Variants in MYL4 observed in about 807,000 individuals in gnomAD.
The protein encoded by MYL4 is atrial myosin light chain 1.
MYL4 carries 16 observed loss-of-function variants against 21.6 expected under a neutral mutation model. That is an observed-to-expected ratio of 0.74 (90% CI 0.50 to 1.12). The LOEUF (loss-of-function observed/expected upper bound fraction) is 1.12, where lower values mean the gene tolerates loss of function less well. Ranked by LOEUF, MYL4 falls within the 50% of genes most tolerant of loss-of-function variation. MYL4 has a pLI of 0.00. For missense variants in MYL4, 249 were observed against 252.9 expected (o/e 0.98, Z 0.11); for synonymous variants, 82 against 95.7 (o/e 0.86, Z 0.83).
At chr17:47,217,650 T>G (rs2064824706) in intron 2 of MYL4, among the ~76,000 whole-genome samples, 1 of 152,172 alleles carries the variant, frequency 6.6e-6, no homozygotes, top group African/African-American at 2.4e-5. Flanking sequence ...TATGTGCTGG[T>G]CATTGTGTTA....
At chr17:47,218,128 T>C (rs777559528) in intron 2 of MYL4, among the ~76,000 whole-genome samples, 20 of 152,114 alleles carry the variant, frequency 1.3e-4, no homozygotes, top group Non-Finnish European at 2.5e-4. Flanking sequence ...AGGTTAAATA[T>C]TTATTTGTCC....
upstream of MYL4, among the ~76,000 whole-genome samples, chr17:47,196,541 T>C (rs2064689688): frequency 6.6e-6 from 1 of 152,232 alleles, no homozygotes; most frequent in Non-Finnish European, 1.5e-5. Flanking sequence ...AGAAATATAT[T>C]GACTGAGTGA....
At chr17:47,194,988 G>C in the MYL4 span, among the ~76,000 whole-genome samples, 55 of 150,962 alleles carry the variant, frequency 3.6e-4, no homozygotes, top group African/African-American at 1.3e-3. Context: ...TGGTCCACCC[G>C]TCTCAGCCTC....
downstream of MYL4, among the ~76,000 whole-genome samples, chr17:47,223,900 C>T (rs971177832): frequency 6.6e-6 from 1 of 152,102 alleles, no homozygotes; most frequent in African/African-American, 2.4e-5. Context: ...AGGCCAGCAG[C>T]TTGAGGAGTT....
chr17:47,223,266 C>T, intron 6 of MYL4: 2 of 570,162 alleles, frequency 3.5e-6, no homozygotes. Context: ...CTATCAGTCA[C>T]ATCCTCTTGC....
upstream of MYL4, among the ~76,000 whole-genome samples, chr17:47,197,652 CA>C (rs2064694476): frequency 6.8e-6 from 1 of 147,050 alleles, no homozygotes; most frequent in Non-Finnish European, 1.5e-5. Context: ...TTCTGTGTCT[CA>C]CTTTCAGTAC....
downstream of MYL4, among the ~76,000 whole-genome samples, chr17:47,226,431 T>C (rs1364941293): frequency 2.6e-5 from 4 of 152,212 alleles, no homozygotes; most frequent in Admixed American, 1.3e-4. Context: ...CAGATGCCCA[T>C]TGGGTACCTG....
intron 4 of MYL4, 80 bp from the exon 5 acceptor site, chr17:47,222,300 T>C: frequency 7.4e-7 from 1 of 1,360,000 alleles, no homozygotes. Context: ...ACCTTCACAC[T>C]TAAGGGGGTA....
At position 47,221,865 on chromosome 17, in the gene MYL4, C is replaced by T; in HGVS notation, c.487+10C>T. 6.2e-7 allele frequency: 1 copy of T among 1,610,028 alleles called. No homozygotes were observed. The highest frequency in any genetic ancestry group is 8.5e-7 in the Non-Finnish European group (1 of 1,177,454). ...GTCCTTGCCACCCTGGGTATGCCAG[C>T]TGGGCAGAGATGAAGACCAAGTGGG... is the stretch of plus-strand genomic sequence containing the variant. On this transcript the variant is annotated intron_variant, in intron 4 of 6. Transcript: ENST00000393450.
chr17:47,209,132 A>G (rs956825739), upstream of MYL4: 147 of 528,920 alleles, frequency 2.8e-4, no homozygotes, highest in Admixed American at 4.8e-3. Flanking sequence ...CCAATTGGCA[A>G]GAAGGGATCA....
In MYL4 at chr17:47,222,464, A is replaced by G. The variant is rs1443839567; in HGVS notation, c.565+7A>G. On this transcript the variant is annotated splice_region_variant and intron_variant, in intron 5 of 6. Transcript: ENST00000393450. Reference sequence around the variant, plus strand: ...GGCTGCATCAATTATGAAGGTATTAAGCCGCGCCTTGCATCCCAGGGCAGC... The same window carrying G: ...GGCTGCATCAATTATGAAGGTATTAGGCCGCGCCTTGCATCCCAGGGCAGC... 3 of 1,614,036 alleles carry G rather than the reference A, an allele frequency of 1.9e-6. No homozygotes were observed. The Admixed American group carries it at 5.0e-5, about 27-fold the overall frequency.
the MYL4 span, among the ~76,000 whole-genome samples, chr17:47,193,390 CCT>C: frequency 2.6e-5 from 4 of 152,088 alleles, no homozygotes; most frequent in Admixed American, 6.5e-5. Flanking sequence ...GCCTCAGCCC[CCT>C]GAGTAGCTGA....
intron 2 of MYL4, among the ~76,000 whole-genome samples, chr17:47,218,681 G>A (rs775920432): frequency 1.1e-4 from 16 of 152,140 alleles, no homozygotes; most frequent in Non-Finnish European, 1.6e-4. Flanking sequence ...CCAGCTACTC[G>A]GAGGCTGAGG....
the MYL4 span, among the ~76,000 whole-genome samples, chr17:47,191,591 G>A: frequency 4.6e-5 from 7 of 152,082 alleles, no homozygotes; most frequent in East Asian, 1.9e-4. Context: ...CTGTCTCAAC[G>A]TCCCGAGTAG....
At chr17:47,227,343 T>C (rs1011741870), downstream of MYL4, among the ~76,000 whole-genome samples, 3 of 152,358 alleles carry the variant, frequency 2.0e-5, no homozygotes, top group South Asian at 6.2e-4. Context: ...GGAAGAGGTA[T>C]GCATAAAAAG....
upstream of MYL4, among the ~76,000 whole-genome samples, chr17:47,198,537 T>C (rs894472665): frequency 6.6e-6 from 1 of 152,180 alleles, no homozygotes; most frequent in African/African-American, 2.4e-5. Context: ...TAAACACAGA[T>C]TGATTATATT....
upstream of MYL4, among the ~76,000 whole-genome samples, chr17:47,196,943 G>A (rs919529851): frequency 6.6e-6 from 1 of 151,470 alleles, no homozygotes; most frequent in Non-Finnish European, 1.5e-5. Context: ...TTAAAATATT[G>A]TAAATATATA....
At chr17:47,210,057 G>A (rs1056125432) in intron 1 of MYL4, among the ~76,000 whole-genome samples, 2 of 152,152 alleles carry the variant, frequency 1.3e-5, no homozygotes, top group Admixed American at 6.5e-5. Context: ...ACACTCTTAC[G>A]GCAGGTGAGG....
At chr17:47,191,475 AT>A in the MYL4 span, among the ~76,000 whole-genome samples, 13 of 150,128 alleles carry the variant, frequency 8.7e-5, no homozygotes, top group African/African-American at 2.4e-4. Context: ...TTGTATTTAC[AT>A]TTTTTTTTTC....
Sources: allele counts gnomAD v4.1 joint callset (sites outside exome capture counted in the v4.1 genomes callset), GRCh38; gene constraint gnomAD v4.1.1; transcripts MANE v1.5; gene names NCBI Gene and HGNC (gene_info 2026-07-23, HGNC 2026-07-21).